DMD: variants seen among roughly 807,000 people sequenced by gnomAD.
DMD encodes dystrophin.
Under a neutral mutation model 330.1 loss-of-function variants are expected in DMD, and 63 were observed. That is an observed-to-expected ratio of 0.19 (90% confidence interval 0.16 to 0.24). DMD has a LOEUF of 0.24. DMD is among the 10% of genes least tolerant of loss of function. The pLI, the probability that DMD is intolerant of heterozygous loss-of-function variation, is 1.00. For synonymous variants in DMD, 1,223 were observed against 959.8 expected, an observed-to-expected ratio of 1.27 and a Z score of -5.07; for missense variants, 3,344 against 2,684.1, an observed-to-expected ratio of 1.25 and a Z score of -5.43.
chrX:31,743,822 C>T (rs1391855956), intron 51 of DMD, among the ~76,000 whole-genome samples: 1 of 111,094 alleles, frequency 9.0e-6, no homozygotes, highest in Non-Finnish European at 1.9e-5. Context: ...TACACATGTA[C>T]TCCCTGAATC....
intron 44 of DMD, among the ~76,000 whole-genome samples, chrX:32,117,236 T>C (rs1485344226): frequency 9.1e-6 from 1 of 110,238 alleles, no homozygotes; most frequent in African/African-American, 3.3e-5. Context: ...AAATGGTCCA[T>C]GCCATCTTCA....
At chrX:31,246,984 G>C (rs749157765) in intron 63 of DMD, among the ~76,000 whole-genome samples, 1 of 111,381 alleles carries the variant, frequency 9.0e-6, no homozygotes, top group Non-Finnish European at 1.9e-5. Flanking sequence ...TGTATAAATG[G>C]AAAAACAAAG....
chrX:31,595,303 C>T (rs770356100), intron 55 of DMD, among the ~76,000 whole-genome samples: 107 of 111,059 alleles, frequency 9.6e-4, no homozygotes, highest in African/African-American at 3.4e-3. Flanking sequence ...TCTTTACCCT[C>T]GCTCCCCAAA....
intron 43 of DMD, among the ~76,000 whole-genome samples, chrX:32,219,117 A>G (rs1362934803): frequency 1.8e-5 from 2 of 112,243 alleles, no homozygotes; most frequent in African/African-American, 6.5e-5. Flanking sequence ...CTCTAACTGT[A>G]GTTAGTGAAA....
chrX:32,724,676 T>C (rs1301497710), intron 7 of DMD, among the ~76,000 whole-genome samples: 1 of 111,546 alleles, frequency 9.0e-6, no homozygotes, highest in Non-Finnish European at 1.9e-5. Context: ...ATTAAATAAG[T>C]CTCAAGATCC....
intron 62 of DMD, chrX:31,266,706 C>A (rs1397911830): frequency 9.2e-6 from 8 of 872,237 alleles, no homozygotes; most frequent in Non-Finnish European, 9.9e-6. Flanking sequence ...CGGGTCCAGC[C>A]GCCGCGCCTG....
intron 41 of DMD, 45 bp downstream of exon 41, chrX:32,342,052 AGAG>A (rs2148812017): frequency 8.7e-7 from 1 of 1,144,798 alleles, no homozygotes; most frequent in Admixed American, 2.2e-5. Flanking sequence ...CTCTGTTAAT[AGAG>A]TAGTAGTTGC....
At position 32,878,300 on chromosome X, in the gene DMD, C is replaced by G. The variant is rs976540223; in HGVS notation, c.94-28480G>C. Among the ~76,000 whole-genome samples, 4 of 111,224 alleles carry G rather than the reference C, an allele frequency of 3.6e-5. No individual in the cohort carries two copies. The Admixed American group carries it at 3.8e-4, about 11-fold the overall frequency. On this transcript the variant is annotated intron_variant, in intron 2 of 78. Transcript: ENST00000357033. ...GGCTAAGGCAGGAGAATGGCATGAA[C>G]CTGGGAGGCGGAGCTTGCAGTGAGC...
In DMD at chrX:32,562,486, C is replaced by T. The variant is rs5928013; in HGVS notation, c.1992+3216G>A. ...ACTGGGTGCCTTGTCATCTCAATCA[C>T]GATTTCCACACCCTGCCTCACAATA... On this transcript the variant is annotated intron_variant, in intron 16 of 78. Coordinates refer to ENST00000357033, the MANE Select transcript of DMD (RefSeq NM_004006.3). Among the ~76,000 whole-genome samples, 253 of 112,823 alleles carry T rather than the reference C, an allele frequency of 2.2e-3. 1 individual carries two copies. The highest frequency in any genetic ancestry group is 8.4e-3 in the East Asian group (30 of 3,571).
At chrX:31,298,410 TACACACACACACACAC>T (rs35043650) in intron 62 of DMD, among the ~76,000 whole-genome samples, 4 of 97,858 alleles carry the variant, frequency 4.1e-5, no homozygotes, top group South Asian at 4.5e-4. Flanking sequence ...CACACACACA[TACACACACACACACAC>T]ACACATACAC....
At chrX:32,364,909 A>G in intron 35 of DMD, 111 bp downstream of exon 35, 1 of 852,183 alleles carries the variant, frequency 1.2e-6, no homozygotes, top group Non-Finnish European at 1.7e-6. Flanking sequence ...ATTAAGAGCC[A>G]GCATATACGT....
chrX:32,813,639 A>G (rs1170985178), intron 6 of DMD, among the ~76,000 whole-genome samples: 1 of 111,785 alleles, frequency 8.9e-6, no homozygotes, highest in African/African-American at 3.2e-5. Context: ...TGTATTTTCA[A>G]TTTACAGACT....
At chrX:32,619,865 G>A (rs1032539292) in intron 11 of DMD, among the ~76,000 whole-genome samples, 3 of 111,669 alleles carry the variant, frequency 2.7e-5, no homozygotes, top group Non-Finnish European at 5.7e-5. Flanking sequence ...AGCTGTTGCC[G>A]GAGCTCAGTG....
chrX:32,431,331 C>A (rs2098237371), intron 29 of DMD, among the ~76,000 whole-genome samples: 2 of 111,456 alleles, frequency 1.8e-5, no homozygotes, highest in Non-Finnish European at 3.8e-5. Context: ...TGAGTTTGAG[C>A]ACCTTTTCAT....
chrX:31,593,566 G>GA (rs895600773), intron 55 of DMD, among the ~76,000 whole-genome samples: 2 of 110,129 alleles, frequency 1.8e-5, no homozygotes, highest in Non-Finnish European at 3.8e-5. Flanking sequence ...AGAGCAAAAA[G>GA]AAAAAAAATA....
At chrX:32,799,594 A>AT (rs59086238) in intron 7 of DMD, among the ~76,000 whole-genome samples, 6,623 of 94,764 alleles carry the variant, frequency 0.07, 521 homozygotes, top group African/African-American at 0.22. Context: ...TATAGGGAGG[A>AT]TTTTTTTTTT....
At chrX:32,415,007 C>A (rs982176708) in intron 29 of DMD, among the ~76,000 whole-genome samples, 1 of 111,708 alleles carries the variant, frequency 9.0e-6, no homozygotes, top group East Asian at 2.8e-4. Context: ...AGCCTACCCA[C>A]AGCTCTTCCA....
chrX:32,015,503 G>A (rs1269058090), intron 44 of DMD, among the ~76,000 whole-genome samples: 1 of 111,557 alleles, frequency 9.0e-6, no homozygotes, highest in Non-Finnish European at 1.9e-5. Context: ...GATCTGGAAT[G>A]GGGCCCATGC....
chrX:32,826,452 T>A (rs926203707), intron 4 of DMD, among the ~76,000 whole-genome samples: 6 of 111,016 alleles, frequency 5.4e-5, no homozygotes, highest in African/African-American at 2.0e-4. Context: ...CATCAGTAGA[T>A]GAAAGAATAA....
Sources: gnomAD v4.1 joint callset for allele counts (sites outside exome capture counted in the v4.1 genomes callset) on GRCh38, gnomAD v4.1.1 for gene constraint, MANE v1.5 for transcripts, NCBI Gene and HGNC (gene_info 2026-07-23, HGNC 2026-07-21) for gene names.